ATF7IP2: variants seen among roughly 807,000 people sequenced by gnomAD.
ATF7IP2 encodes the protein activating transcription factor 7 interacting protein 2.
In ATF7IP2, 42 loss-of-function variants were observed where a neutral mutation model predicts 64.2. The ratio of observed to expected loss-of-function variants is 0.65; its 90% CI spans 0.51 to 0.85. ATF7IP2 has a LOEUF of 0.85. Among genes scored for constraint, ATF7IP2 ranks in the 40% least tolerant of loss-of-function variants. The pLI is 0.00. For synonymous variants in ATF7IP2, 308 were observed against 272.8 expected (o/e 1.13, Z -1.27); for missense variants, 933 against 784.2 (o/e 1.19, Z -2.27).
chr16:10,402,060 T>A (rs1224258428), intron 1 of ATF7IP2, among the ~76,000 whole-genome samples: 1 of 152,182 alleles, frequency 6.6e-6, no homozygotes, highest in Admixed American at 6.5e-5. Flanking sequence ...AACCAACTTT[T>A]TGTTTTATTG....
At chr16:10,467,998 G>A (rs1288370567) in intron 9 of ATF7IP2, among the ~76,000 whole-genome samples, 2 of 150,452 alleles carry the variant, frequency 1.3e-5, no homozygotes, top group African/African-American at 4.9e-5. Flanking sequence ...TCCTGCCTCA[G>A]CCTCCCGAGT....
chr16:10,443,609 C>CT (rs2141945812), intron 8 of ATF7IP2, among the ~76,000 whole-genome samples: 1 of 152,294 alleles, frequency 6.6e-6, no homozygotes, highest in African/African-American at 2.4e-5. Context: ...AAATCTTTTA[C>CT]TTTTACAATA....
At chr16:10,388,905 G>C (rs1460280020) in intron 1 of ATF7IP2, among the ~76,000 whole-genome samples, 4 of 151,998 alleles carry the variant, frequency 2.6e-5, no homozygotes, top group East Asian at 1.9e-4. Flanking sequence ...CCAGCTTCTC[G>C]GGAAGCTGAG....
At chr16:10,446,161 C>G (rs1485506476) in intron 8 of ATF7IP2, 2 of 152,094 alleles carry the variant, frequency 1.3e-5, no homozygotes, top group African/African-American at 2.4e-5. Context: ...AAGTGCTGCC[C>G]TGTTTTGAAA....
rs890474018 is a variant in ATF7IP2, at chr16:10,479,502, A to AG, written c.1550-1374dup. On this transcript the variant is annotated intron_variant, in intron 12 of 13. Transcript: ENST00000562102. ...AACATCACACACTGGGGCCTGTTGT[A>AG]GGGTAGGGGGAGTGGGGAGGGATAG... Among the ~76,000 whole-genome samples, 310 of 151,668 alleles carry AG rather than the reference A, an allele frequency of 2.0e-3. 2 individuals carry two copies. The highest frequency in any genetic ancestry group is 7.1e-3 in the African/African-American group (293 of 41,364).
chr16:10,407,753 C>T (rs1042921642), intron 1 of ATF7IP2, among the ~76,000 whole-genome samples: 14 of 152,244 alleles, frequency 9.2e-5, no homozygotes, highest in Non-Finnish European at 4.4e-5. Context: ...GAGCACTATA[C>T]ACTGAACCCA....
intron 9 of ATF7IP2, among the ~76,000 whole-genome samples, chr16:10,463,759 T>C (rs945855834): frequency 2.3e-4 from 35 of 152,220 alleles, no homozygotes; most frequent in Non-Finnish European, 1.2e-4. Flanking sequence ...TTGGGGTAAA[T>C]TATTACATGG....
intron 9 of ATF7IP2, among the ~76,000 whole-genome samples, chr16:10,464,054 C>T (rs1470528843): frequency 6.6e-6 from 1 of 152,134 alleles, no homozygotes; most frequent in Admixed American, 6.5e-5. Context: ...ACTGGCCAAG[C>T]GTCCAGCTCA....
At chr16:10,475,818 T>C (rs2049989376) in intron 12 of ATF7IP2, among the ~76,000 whole-genome samples, 2 of 143,186 alleles carry the variant, frequency 1.4e-5, no homozygotes, top group Non-Finnish European at 3.0e-5. Flanking sequence ...ACACTGATAA[T>C]AAATGTAAAT....
intron 8 of ATF7IP2, among the ~76,000 whole-genome samples, chr16:10,450,470 T>C (rs183252462): frequency 1.1e-4 from 16 of 152,324 alleles, no homozygotes; most frequent in Admixed American, 9.2e-4. Context: ...TGTAGGTCTT[T>C]AAGAACTTGC....
At position 10,483,126 on chromosome 16, in the gene ATF7IP2, A is replaced by T. The variant is rs955475380; in HGVS notation, c.*877A>T. 1 of 152,198 alleles carries T rather than the reference A, an allele frequency of 6.6e-6. No individual in the cohort carries two copies. Among genetic ancestry groups the T allele is most frequent in the Non-Finnish European group, 1.5e-5 (1 of 68,032 alleles). 9.4% of individuals were successfully genotyped at this position (152,198 alleles called of 1,614,324 possible). A position where few individuals can be genotyped will look rare whatever the true frequency, so the allele number is the denominator to read the frequency against. Reference sequence around the variant, plus strand: ...TTTTGTTTTGTTTTGCACTTTGTCAATCATTTGGGGAAATAGCCTGGAGGT... The same window carrying T: ...TTTTGTTTTGTTTTGCACTTTGTCATTCATTTGGGGAAATAGCCTGGAGGT... On this transcript the variant is annotated 3_prime_UTR_variant, in exon 14 of 14. Coordinates refer to ENST00000562102, the MANE Select transcript of ATF7IP2 (RefSeq NM_001393719.1).
At chr16:10,478,770 A>G (rs2050103410) in intron 12 of ATF7IP2, among the ~76,000 whole-genome samples, 1 of 152,262 alleles carries the variant, frequency 6.6e-6, no homozygotes, top group Non-Finnish European at 1.5e-5. Context: ...CAAAGGGCTA[A>G]TATTCAGAAT....
intron 1 of ATF7IP2, among the ~76,000 whole-genome samples, chr16:10,402,796 C>A (rs574289094): frequency 6.6e-6 from 1 of 151,732 alleles, no homozygotes; most frequent in Non-Finnish European, 1.5e-5. Context: ...TGTTCACAGC[C>A]AGGTACAGTG....
intron 7 of ATF7IP2, 71 bp from the exon 8 acceptor site, chr16:10,440,293 A>G (rs2048570638): frequency 2.8e-6 from 2 of 703,664 alleles, no homozygotes; most frequent in South Asian, 2.5e-5. Context: ...TTGGCAAATA[A>G]TTTACCCTCT....
chr16:10,424,756 G>C (rs75915401), intron 3 of ATF7IP2, among the ~76,000 whole-genome samples: 1 of 152,090 alleles, frequency 6.6e-6, no homozygotes, highest in Non-Finnish European at 1.5e-5. Flanking sequence ...ATCATTAGCC[G>C]TCAGGTAAAT....
intron 8 of ATF7IP2, among the ~76,000 whole-genome samples, chr16:10,452,449 C>T (rs1165718905): frequency 6.6e-6 from 1 of 152,182 alleles, no homozygotes; most frequent in African/African-American, 2.4e-5. Context: ...AGAACAGCAA[C>T]GATTGCTGCC....
chr16:10,460,634 C>T (rs1213504762), intron 9 of ATF7IP2, among the ~76,000 whole-genome samples: 1 of 151,924 alleles, frequency 6.6e-6, no homozygotes, highest in Non-Finnish European at 1.5e-5. Context: ...TAAATGGTAC[C>T]ATCTTGTTTG....
At chr16:10,467,391 A>T (rs1481290091) in intron 9 of ATF7IP2, among the ~76,000 whole-genome samples, 3 of 152,194 alleles carry the variant, frequency 2.0e-5, no homozygotes, top group African/African-American at 7.2e-5. Context: ...GAAATTGATA[A>T]AGTATTTTGA....
chr16:10,421,474 TTG>T (rs2047987739), intron 3 of ATF7IP2, among the ~76,000 whole-genome samples: 1 of 152,142 alleles, frequency 6.6e-6, no homozygotes. Context: ...CTACAGCAGG[TTG>T]TATCCAATTT....
Sources: allele counts gnomAD v4.1 joint callset (sites outside exome capture counted in the v4.1 genomes callset), GRCh38; gene constraint gnomAD v4.1.1; transcripts MANE v1.5; gene names NCBI Gene and HGNC (gene_info 2026-07-23, HGNC 2026-07-21).